GEMIN8: variants seen among roughly 807,000 people sequenced by gnomAD.
The protein encoded by GEMIN8 is gem nuclear organelle associated protein 8, also known as gem-associated protein 8.
For synonymous variants in GEMIN8, 80 were observed against 78.5 expected (o/e 1.02, Z -0.10); for missense variants, 185 against 205.9 (o/e 0.90, Z 0.62).
At chrX:14,017,084 C>T (rs767316999) in intron 4 of GEMIN8, among the ~76,000 whole-genome samples, 3 of 107,991 alleles carry the variant, frequency 2.8e-5, no homozygotes, top group Non-Finnish European at 5.8e-5. Flanking sequence ...TTCACAATTA[C>T]TACCCATTAG....
At position 14,025,570 on chromosome X, in the gene GEMIN8, A is replaced by T. The variant is rs1026366683; in HGVS notation, c.-34+570T>A. ...ACGATTCTCACACGTTTCATAAATG[A>T]TTAGGTTTGGAGAAAGACTAGTGGA... On this transcript the variant is annotated intron_variant, in intron 2 of 4. Coordinates refer to ENST00000680255, the MANE Select transcript of GEMIN8 (RefSeq NM_001042479.2). Among the ~76,000 whole-genome samples, 5 of 111,740 alleles carry T rather than the reference A, an allele frequency of 4.5e-5. No individual in the cohort carries two copies. In the East Asian group the frequency reaches 1.4e-3, roughly 31 times the overall value.
chrX:14,005,314 G>T (rs972138018), downstream of GEMIN8, among the ~76,000 whole-genome samples: 6 of 111,189 alleles, frequency 5.4e-5, no homozygotes, highest in Admixed American at 9.6e-5. Flanking sequence ...AAGGGAGATG[G>T]GCTGATGGTT....
At chrX:14,028,958 G>C (rs748033137) in intron 1 of GEMIN8, among the ~76,000 whole-genome samples, 13 of 112,232 alleles carry the variant, frequency 1.2e-4, no homozygotes, top group Admixed American at 3.8e-4. Flanking sequence ...CTAATCTTTA[G>C]TCTAGATTTT....
At chrX:14,003,841 G>C (rs1923052556), downstream of GEMIN8, among the ~76,000 whole-genome samples, 1 of 112,155 alleles carries the variant, frequency 8.9e-6, no homozygotes, top group Admixed American at 9.5e-5. Context: ...CTTATAGTAA[G>C]CTCTATTTAA....
At chrX:14,010,921 T>C (rs1923489806) in intron 4 of GEMIN8, among the ~76,000 whole-genome samples, 1 of 112,657 alleles carries the variant, frequency 8.9e-6, no homozygotes, top group Non-Finnish European at 1.9e-5. Context: ...GTTTGAAACA[T>C]CAGCATATAA....
chrX:14,027,760 G>C (rs1446912757), intron 1 of GEMIN8, among the ~76,000 whole-genome samples: 1 of 112,328 alleles, frequency 8.9e-6, no homozygotes, highest in Non-Finnish European at 1.9e-5. Context: ...CAAGTTCTCT[G>C]AATCCCCTTG....
the GEMIN8 span, among the ~76,000 whole-genome samples, chrX:13,984,477 C>G: frequency 8.9e-6 from 1 of 112,251 alleles, no homozygotes; most frequent in Non-Finnish European, 1.9e-5. Context: ...GGAACACAGT[C>G]CATGCCCATT....
At chrX:13,998,571 A>ATT in the GEMIN8 span, among the ~76,000 whole-genome samples, 1 of 110,712 alleles carries the variant, frequency 9.0e-6, no homozygotes, top group East Asian at 2.8e-4. Context: ...AATTAAACAT[A>ATT]TTTTTTTTAA....
At position 14,020,415 on chromosome X, in the gene GEMIN8, G is replaced by A. The variant is rs150567066; in HGVS notation, c.135C>T (p.Ala45=). ...ATGGAAGATTGAAACAGGATTCCAC[G>A]GCCTTCCTGTAGGCATTGTGATGGC... ...MQSHHNAYRK[A]VESCFNLPWY... Residue 45 remains alanine, a synonymous_variant, in exon 4 of 5, where the codon GCC becomes GCT. Coordinates refer to ENST00000680255, the MANE Select transcript of GEMIN8 (RefSeq NM_001042479.2). 3 of 1,206,197 alleles carry A rather than the reference G, an allele frequency of 2.5e-6. No homozygotes were observed. Among genetic ancestry groups the A allele is most frequent in the Non-Finnish European group, 3.4e-6 (3 of 890,456 alleles).
At chrX:14,021,745 T>C (rs1306758827) in intron 2 of GEMIN8, among the ~76,000 whole-genome samples, 3 of 102,898 alleles carry the variant, frequency 2.9e-5, no homozygotes, top group Non-Finnish European at 5.9e-5. Flanking sequence ...ATGGTTCAAT[T>C]ACTTATTTCC....
chrX:14,009,205 C>T (rs776127722), intron 4 of GEMIN8, 36 bp from the exon 5 acceptor site: 2 of 1,196,664 alleles, frequency 1.7e-6, no homozygotes, highest in Non-Finnish European at 2.3e-6. Flanking sequence ...TGAACATAAA[C>T]ACACGTGTGT....
chrX:14,021,409 G>A, intron 3 of GEMIN8, 55 bp downstream of exon 3: 1 of 705,295 alleles, frequency 1.4e-6, no homozygotes, highest in Non-Finnish European at 2.2e-6. Context: ...AAAGACTAAA[G>A]TTTACCTTTT....
Position 14,025,419 on chromosome X carries a change from T to C in GEMIN8, c.-34+721A>G, listed in dbSNP as rs774881810. Among the ~76,000 whole-genome samples the C allele has an allele frequency of 5.4e-5, 6 of 111,258 alleles. No homozygotes were observed. In the East Asian group the frequency reaches 1.7e-3, roughly 31 times the overall value. On this transcript the variant is annotated intron_variant, in intron 2 of 4. Transcript: ENST00000680255. ...TTCCTGAAGTACAAAAAACAGGCTGTGGGCTTTTATTTTGCCCACCCCTGT... is the reference window on the plus strand; with the variant it reads ...TTCCTGAAGTACAAAAAACAGGCTGCGGGCTTTTATTTTGCCCACCCCTGT...
In GEMIN8 at chrX:14,007,542, CT is replaced by C. The variant is rs1219278598; in HGVS notation, c.*1370del. 5.8e-4 allele frequency among the ~76,000 whole-genome samples: 61 copies of C among 104,883 alleles called. No homozygotes were observed. Among genetic ancestry groups the C allele is most frequent in the African/African-American group, 6.9e-4 (20 of 29,142 alleles). The allele number at this position is 104,883 out of a possible 115,157, so 91.1% of individuals were successfully genotyped here. A position where few individuals can be genotyped will look rare whatever the true frequency, so the allele number is the denominator to read the frequency against. On this transcript the variant is annotated 3_prime_UTR_variant, in exon 5 of 5. Coordinates refer to ENST00000680255, the MANE Select transcript of GEMIN8 (RefSeq NM_001042479.2). The stretch of plus-strand genomic sequence containing the variant: ...GTGACCAGGTTTGGGAATTATTGTT[CT>C]TTTTTTTTTTTCTTTTGAGATGGAG...
the GEMIN8 span, among the ~76,000 whole-genome samples, chrX:13,991,211 G>C: frequency 2.7e-5 from 3 of 112,524 alleles, no homozygotes; most frequent in African/African-American, 9.7e-5. Context: ...GATTTAAAAG[G>C]CAAGCTGTTT....
the GEMIN8 span, among the ~76,000 whole-genome samples, chrX:13,989,269 A>AT: frequency 6.3e-3 from 652 of 103,281 alleles, 12 homozygotes; most frequent in East Asian, 0.094. Context: ...TTAAATTTAA[A>AT]TTTTTTTTTT....
intron 4 of GEMIN8, chrX:14,013,888 C>A: frequency 3.1e-6 from 2 of 646,800 alleles, no homozygotes; most frequent in Non-Finnish European, 3.7e-6. Flanking sequence ...AAAACAAGAA[C>A]AATAGGCATG....
intron 4 of GEMIN8, among the ~76,000 whole-genome samples, chrX:14,016,589 T>C (rs1478425333): frequency 9.2e-6 from 1 of 109,190 alleles, no homozygotes; most frequent in Non-Finnish European, 1.9e-5. Flanking sequence ...CTCATGCCTA[T>C]AATCCAGCAC....
downstream of GEMIN8, among the ~76,000 whole-genome samples, chrX:14,004,281 G>C (rs940704262): frequency 2.0e-4 from 22 of 111,772 alleles, no homozygotes; most frequent in Middle Eastern, 4.6e-3. Context: ...TGCCATCATT[G>C]AACACTCCAC....
Sources: allele counts gnomAD v4.1 joint callset (sites outside exome capture counted in the v4.1 genomes callset), GRCh38; gene constraint gnomAD v4.1.1; transcripts MANE v1.5; gene names NCBI Gene and HGNC (gene_info 2026-07-23, HGNC 2026-07-21).